The following THSD4 variants were observed in gnomAD, a reference collection of about 807,000 sequenced individuals.
THSD4 encodes thrombospondin type 1 domain containing 4.
THSD4 carries 69 observed loss-of-function variants against 119.0 expected under a neutral mutation model. That is an observed-to-expected ratio of 0.58 (90% CI 0.48 to 0.71). The LOEUF is 0.71. Ranked by LOEUF, THSD4 falls within the 30% of genes least tolerant of loss-of-function variation. THSD4 has a pLI of 0.00. For synonymous variants in THSD4, 524 were observed against 540.4 expected (o/e 0.97, Z 0.42); for missense variants, 1,393 against 1,391.1 (o/e 1.00, Z -0.02).
At chr15:71,764,017 A>G (rs1388735677) in intron 15 of THSD4, among the ~76,000 whole-genome samples, 2 of 151,742 alleles carry the variant, frequency 1.3e-5, no homozygotes, top group African/African-American at 4.8e-5. Context: ...CAGTGAGCCA[A>G]GATCACTCCG....
chr15:71,493,641 T>C (rs536577523), intron 7 of THSD4, among the ~76,000 whole-genome samples: 10 of 152,300 alleles, frequency 6.6e-5, no homozygotes, highest in African/African-American at 2.4e-4. Flanking sequence ...CACTTCACAC[T>C]CACTGTGAAG....
intron 7 of THSD4, among the ~76,000 whole-genome samples, chr15:71,639,145 C>G (rs962865355): frequency 4.6e-5 from 7 of 152,196 alleles, no homozygotes; most frequent in Non-Finnish European, 8.8e-5. Context: ...GAATTGTAAT[C>G]CTCCATGTAC....
At chr15:71,554,988 G>A (rs4447378) in intron 7 of THSD4, among the ~76,000 whole-genome samples, 52,401 of 151,872 alleles carry the variant, frequency 0.35, 10,503 homozygotes, top group South Asian at 0.48. Flanking sequence ...TGTCCTCCTC[G>A]CTTCTCTCCT....
chr15:71,718,058 A>G (rs1018324652), intron 8 of THSD4, among the ~76,000 whole-genome samples: 1 of 151,768 alleles, frequency 6.6e-6, no homozygotes, highest in African/African-American at 2.4e-5. Flanking sequence ...CTAAGGTAGG[A>G]GAATTGCTTG....
chr15:71,615,040 A>G lies in THSD4; in HGVS notation c.1153-45490A>G, dbSNP rs973150788. ...TCAAACTACTGCCCAATTTTCAAAA[A>G]CAGGACCTGAGAAAGAGCTGGCATT... is the stretch of plus-strand genomic sequence containing the variant. On this transcript the variant is annotated intron_variant, in intron 7 of 17. Coordinates refer to ENST00000261862, the MANE Select transcript of THSD4 (RefSeq NM_024817.3). 3.9e-5 allele frequency among the ~76,000 whole-genome samples: 6 copies of G among 152,326 alleles called. No homozygotes were observed. The East Asian group carries it at 1.2e-3, about 29-fold the overall frequency.
intron 6 of THSD4, among the ~76,000 whole-genome samples, chr15:71,314,866 A>G (rs2045164141): frequency 6.6e-6 from 1 of 152,210 alleles, no homozygotes; most frequent in East Asian, 1.9e-4. Flanking sequence ...GTAACTTAGT[A>G]TGTCTTATTT....
intron 7 of THSD4, among the ~76,000 whole-genome samples, chr15:71,459,067 A>G (rs563655725): frequency 5.5e-4 from 84 of 152,168 alleles, no homozygotes; most frequent in Non-Finnish European, 4.3e-4. Flanking sequence ...AGGGACCTGA[A>G]AGGTATACTT....
intron 7 of THSD4, among the ~76,000 whole-genome samples, chr15:71,445,916 G>A (rs1001149712): frequency 1.3e-5 from 2 of 152,190 alleles, no homozygotes; most frequent in African/African-American, 4.8e-5. Flanking sequence ...CTTAATTGTG[G>A]AGATGAGTCC....
At chr15:71,423,628 C>T (rs542543349) in intron 7 of THSD4, among the ~76,000 whole-genome samples, 16 of 152,320 alleles carry the variant, frequency 1.1e-4, no homozygotes, top group South Asian at 2.1e-4. Flanking sequence ...AGGCAAGCTG[C>T]ACTGCCTGGG....
intron 7 of THSD4, among the ~76,000 whole-genome samples, chr15:71,464,614 C>T (rs1223155554): frequency 6.6e-6 from 1 of 152,156 alleles, no homozygotes; most frequent in African/African-American, 2.4e-5. Flanking sequence ...GGTACTTTTA[C>T]CTGCAACACA....
At position 71,442,622 on chromosome 15, in the gene THSD4, A is replaced by G. The variant is rs190837500; in HGVS notation, c.1152+30799A>G. On this transcript the variant is annotated intron_variant, in intron 7 of 17. Coordinates refer to ENST00000261862, the MANE Select transcript of THSD4 (RefSeq NM_024817.3). ...TATATGTGTGTGTGTGTGTGTGTAT[A>G]TATATATGTATGTGTGTGTATATGT... is the stretch of plus-strand genomic sequence containing the variant. 8.4e-4 allele frequency among the ~76,000 whole-genome samples: 59 copies of G among 70,572 alleles called. 16 individuals carry two copies. The highest frequency in any genetic ancestry group is 2.5e-3 in the Admixed American group (13 of 5,294). The allele number at this position is 70,572 out of a possible 152,430, so 46.3% of individuals were successfully genotyped here.
At chr15:71,544,696 A>G (rs1254976301) in intron 7 of THSD4, among the ~76,000 whole-genome samples, 1 of 152,202 alleles carries the variant, frequency 6.6e-6, no homozygotes, top group Non-Finnish European at 1.5e-5. Flanking sequence ...TCAAACAGAT[A>G]CTTGTACAGC....
At chr15:71,584,842 C>G (rs936679768) in intron 7 of THSD4, among the ~76,000 whole-genome samples, 1 of 152,060 alleles carries the variant, frequency 6.6e-6, no homozygotes, top group Non-Finnish European at 1.5e-5. Flanking sequence ...TGATTCCTTT[C>G]TCTTCGTACT....
rs1241548533 is a variant in THSD4 at position 71,418,295 on chromosome 15, T to C, written c.1152+6472T>C. Among the ~76,000 whole-genome samples the C allele has an allele frequency of 1.8e-5, 2 of 108,524 alleles. 1 individual carries two copies. The highest frequency in any genetic ancestry group is 4.1e-5 in the Non-Finnish European group (2 of 49,348). 71.2% of individuals were successfully genotyped at this position (108,524 alleles called of 152,430 possible). Reference sequence around the variant, plus strand: ...TCTAGCTAGGACTTCCAGTACTACATTGAATAACAGTAGTGAAAGTGAGCA... The same window carrying C: ...TCTAGCTAGGACTTCCAGTACTACACTGAATAACAGTAGTGAAAGTGAGCA... On this transcript the variant is annotated intron_variant, in intron 7 of 17. Coordinates refer to ENST00000261862, the MANE Select transcript of THSD4 (RefSeq NM_024817.3).
chr15:71,197,302 C>T (rs534933827), intron 3 of THSD4, among the ~76,000 whole-genome samples: 3 of 152,330 alleles, frequency 2.0e-5, no homozygotes, highest in Admixed American at 2.0e-4. Flanking sequence ...AGGACTGTTT[C>T]TGGGGCCTTC....
intron 3 of THSD4, chr15:71,165,229 C>T: frequency 6.4e-7 from 1 of 1,554,312 alleles, no homozygotes. Flanking sequence ...CCACCTTTGC[C>T]ATATCTTGAA....
At chr15:71,284,813 C>T (rs1002885654) in intron 6 of THSD4, among the ~76,000 whole-genome samples, 6 of 151,850 alleles carry the variant, frequency 4.0e-5, no homozygotes, top group African/African-American at 1.5e-4. Flanking sequence ...GTTTTGAGAA[C>T]ATTTGTTTTC....
At chr15:71,529,869 C>T (rs1019364415) in intron 7 of THSD4, among the ~76,000 whole-genome samples, 10 of 152,142 alleles carry the variant, frequency 6.6e-5, no homozygotes, top group African/African-American at 1.7e-4. Flanking sequence ...TAATGCCTGA[C>T]GTAATAAATA....
intron 6 of THSD4, among the ~76,000 whole-genome samples, chr15:71,315,358 A>AT (rs2045172192): frequency 1.3e-5 from 2 of 152,202 alleles, no homozygotes; most frequent in Admixed American, 6.5e-5. Context: ...CACTTTTATT[A>AT]TGACACTGAG....
Sources: gnomAD v4.1 joint callset for allele counts (sites outside exome capture counted in the v4.1 genomes callset) on GRCh38, gnomAD v4.1.1 for gene constraint, MANE v1.5 for transcripts, NCBI Gene and HGNC (gene_info 2026-07-23, HGNC 2026-07-21) for gene names.